The following TET3 variants were observed in gnomAD, a reference collection of about 807,000 sequenced individuals.
The protein encoded by TET3 is tet methylcytosine dioxygenase 3, also known as methylcytosine dioxygenase TET3.
In TET3, 19 loss-of-function variants were observed where a neutral mutation model predicts 141.4. That is an observed-to-expected ratio of 0.13 (90% CI 0.09 to 0.20). TET3 has a LOEUF of 0.20. TET3 is among the 10% of genes least tolerant of loss of function. The pLI is 1.00. For missense variants in TET3, 1,874 were observed against 2,356.9 expected, an observed-to-expected ratio of 0.80 and a Z score of 4.24; for synonymous variants, 1,043 against 980.9, an observed-to-expected ratio of 1.06 and a Z score of -1.18.
intron 4 of TET3, among the ~76,000 whole-genome samples, chr2:74,062,881 CTTT>C (rs10649388): frequency 9.1e-5 from 11 of 121,410 alleles, no homozygotes; most frequent in African/African-American, 1.3e-4. Context: ...TCAGGTGAAA[CTTT>C]TTTTTTTTTT....
chr2:74,032,354 C>T (rs1308536511), intron 3 of TET3, among the ~76,000 whole-genome samples: 1 of 133,828 alleles, frequency 7.5e-6, no homozygotes, highest in Non-Finnish European at 1.7e-5. Context: ...GTGAGAATGC[C>T]CTGCCTCGCT....
At chr2:74,091,685 C>T (rs1462801894) in intron 8 of TET3, among the ~76,000 whole-genome samples, 1 of 152,256 alleles carries the variant, frequency 6.6e-6, no homozygotes, top group Non-Finnish European at 1.5e-5. Context: ...CTCCACCTTC[C>T]ATTTCTCATT....
At chr2:74,022,486 T>G (rs551042554) in intron 3 of TET3, among the ~76,000 whole-genome samples, 4 of 151,944 alleles carry the variant, frequency 2.6e-5, no homozygotes, top group South Asian at 4.2e-4. Context: ...GAGGGTTTTT[T>G]TTTGTTTGTT....
intron 3 of TET3, among the ~76,000 whole-genome samples, chr2:74,004,181 C>T (rs748988553): frequency 5.3e-5 from 8 of 152,108 alleles, no homozygotes; most frequent in Non-Finnish European, 1.0e-4. Context: ...GGAGAGGAAG[C>T]GCGTTCCTGC....
intron 3 of TET3, among the ~76,000 whole-genome samples, chr2:74,044,479 A>G (rs1219636102): frequency 1.3e-5 from 2 of 152,242 alleles, no homozygotes; most frequent in Non-Finnish European, 2.9e-5. Flanking sequence ...CCAATAAACT[A>G]ATCATCAATT....
chr2:74,052,548 C>T (rs945547642), intron 4 of TET3, among the ~76,000 whole-genome samples: 1 of 141,612 alleles, frequency 7.1e-6, no homozygotes, highest in Non-Finnish European at 1.5e-5. Flanking sequence ...CATACAAGTT[C>T]CTATAGCCAA....
At chr2:74,114,021 T>C in the TET3 span, among the ~76,000 whole-genome samples, 19 of 151,798 alleles carry the variant, frequency 1.3e-4, no homozygotes, top group Admixed American at 2.6e-4. Flanking sequence ...AAAGAACAAA[T>C]CTGGAGGTAT....
In TET3 at chr2:74,080,426, T is replaced by C. The variant is rs1388498273; in HGVS notation, c.2586-72T>C. On this transcript the variant is annotated intron_variant, in intron 5 of 11. Transcript: ENST00000409262. ...AACTCAAACAAAAGCACACTGAGGC[T>C]GTCTTCTGACCAAAAGTTGTTCTCC... 3.0e-6 allele frequency: 4 copies of C among 1,339,342 alleles called. No homozygotes were observed. The Admixed American group carries it at 7.8e-5, about 26-fold the overall frequency. 83.0% of individuals were successfully genotyped at this position (1,339,342 alleles called of 1,614,324 possible).
chr2:74,073,672 G>T, intron 5 of TET3, 33 bp downstream of exon 5: 1 of 1,541,068 alleles, frequency 6.5e-7, no homozygotes, highest in Non-Finnish European at 8.9e-7. Context: ...AGGAGAAATG[G>T]ATGTGCTGTT....
At chr2:74,065,697 TTTTC>T (rs976875164) in intron 4 of TET3, among the ~76,000 whole-genome samples, 7 of 151,484 alleles carry the variant, frequency 4.6e-5, no homozygotes, top group Middle Eastern at 3.4e-3. Context: ...TCTTCTTTCT[TTTTC>T]TTTCTTTCTT....
chr2:74,068,542 C>T (rs962537357), intron 4 of TET3, among the ~76,000 whole-genome samples: 2 of 152,180 alleles, frequency 1.3e-5, no homozygotes, highest in Non-Finnish European at 2.9e-5. Context: ...TTTTCCATTA[C>T]AAACAATGAT....
intron 3 of TET3, among the ~76,000 whole-genome samples, chr2:74,017,836 A>G (rs1685814736): frequency 6.6e-6 from 1 of 152,120 alleles, no homozygotes; most frequent in South Asian, 2.1e-4. Context: ...TAATGGCTGT[A>G]CTAATTTACA....
rs1313748923 is a variant in TET3 at position 74,047,674 on chromosome 2, C to G, written c.1757C>G (p.Ala586Gly). 3.1e-6 allele frequency: 5 copies of G among 1,613,248 alleles called. No individual in the cohort carries two copies. The African/African-American group carries it at 4.0e-5, about 13-fold the overall frequency. Residue 586 changes from alanine to glycine, a missense_variant, in exon 4 of 12, where the codon GCT becomes GGT. Ala to Gly is a moderately conservative substitution (Grantham distance 60). Coordinates refer to ENST00000409262, the MANE Select transcript of TET3 (RefSeq NM_001287491.2). The part of the protein sequence containing the change: ...KEKKKKLPTP[A>G]GGPVGTEKAA... ...AAGAAGAAGAAGCTCCCAACACCAG[C>G]TGGAGGTCCCGTGGGAACGGAGAAA... is the stretch of plus-strand genomic sequence containing the variant.
At chr2:74,021,366 C>T (rs542035846) in intron 3 of TET3, among the ~76,000 whole-genome samples, 24 of 152,386 alleles carry the variant, frequency 1.6e-4, no homozygotes, top group African/African-American at 5.3e-4. Context: ...CGATGCAGGG[C>T]TGCCTAGGGC....
chr2:74,133,986 C>G, the TET3 span, among the ~76,000 whole-genome samples: 27,649 of 151,976 alleles, frequency 0.18, 2,861 homozygotes, highest in East Asian at 0.39. Flanking sequence ...CTTGTGATCC[C>G]CCCCCCTCGG....
At chr2:74,127,268 T>A in the TET3 span, among the ~76,000 whole-genome samples, 2 of 152,230 alleles carry the variant, frequency 1.3e-5, no homozygotes, top group Non-Finnish European at 2.9e-5. Context: ...TCTCCCAAAG[T>A]GAAATGTAGT....
rs1048482586 is a variant in TET3, at chr2:73,985,005, G to C, written c.-577G>C. 1 of 147,328 alleles carries C rather than the reference G, an allele frequency of 6.8e-6. No homozygotes were observed. The highest frequency in any genetic ancestry group is 1.5e-5 in the Non-Finnish European group (1 of 65,852). The allele number at this position is 147,328 out of a possible 1,614,324, so 9.1% of individuals were successfully genotyped here. ...CGCCGTCCCCTCCTCGGCCCGGGCG[G>C]GGGGCTCCGCGCGCTGAGCTCGGTC... On this transcript the variant is annotated 5_prime_UTR_variant, in exon 1 of 12. Coordinates refer to ENST00000409262, the MANE Select transcript of TET3 (RefSeq NM_001287491.2).
intron 3 of TET3, among the ~76,000 whole-genome samples, chr2:74,039,150 C>T (rs1687215907): frequency 1.3e-5 from 2 of 152,160 alleles, no homozygotes; most frequent in East Asian, 1.9e-4. Context: ...GGCTGTGGTC[C>T]ACACACCTGC....
At chr2:74,134,701 C>T in the TET3 span, 3,927 of 456,580 alleles carry the variant, frequency 8.6e-3, 153 homozygotes, top group African/African-American at 0.072. Context: ...AGAAAACTGG[C>T]GAGCCAGCTG....
Sources: allele counts gnomAD v4.1 joint callset (sites outside exome capture counted in the v4.1 genomes callset), GRCh38; gene constraint gnomAD v4.1.1; transcripts MANE v1.5; gene names NCBI Gene and HGNC (gene_info 2026-07-23, HGNC 2026-07-21).